RGS12: variants seen among roughly 807,000 people sequenced by gnomAD.
RGS12 encodes regulator of G-protein signaling 12.
RGS12 carries 66 observed loss-of-function variants against 120.1 expected under a neutral mutation model. The ratio of observed to expected loss-of-function variants is 0.55; its 90% confidence interval spans 0.45 to 0.67. The LOEUF (loss-of-function observed/expected upper bound fraction) is 0.67. Among genes scored for constraint, RGS12 ranks in the 30% least tolerant of loss-of-function variants. RGS12 has a pLI of 0.00. For synonymous variants in RGS12, 827 were observed against 804.7 expected (o/e 1.03, Z -0.47); for missense variants, 1,859 against 1,957.7 (o/e 0.95, Z 0.95).
rs750513229 is a variant in RGS12, at chr4:3,390,576, C to T, written c.2020+4139C>T. Among the ~76,000 whole-genome samples, 1 of 152,266 alleles carries T rather than the reference C, an allele frequency of 6.6e-6. No homozygotes were observed. The highest frequency in any genetic ancestry group is 1.5e-5 in the Non-Finnish European group (1 of 68,048). On this transcript the variant is annotated intron_variant, in intron 4 of 17. Coordinates refer to ENST00000336727, the MANE Select transcript of RGS12 (RefSeq NM_001394154.1). This position sits in a 1 kb window ranked among gnomAD's most constrained non-coding sequence, Gnocchi z 4.6. ...GTGGACCCACTGCCGCCGCCTCCTC[C>T]TGGGCTGCTCTGCGCGCCTGCCAGG...
At chr4:3,360,248 C>G (rs1044774395) in intron 3 of RGS12, among the ~76,000 whole-genome samples, 1 of 152,110 alleles carries the variant, frequency 6.6e-6, no homozygotes, top group African/African-American at 2.4e-5. Flanking sequence ...TTTGAGTCTT[C>G]TCTTTTTTTC....
At chr4:3,423,411 G>C (rs1193464606) in intron 12 of RGS12, 104 bp from the exon 13 acceptor site, 1 of 1,467,022 alleles carries the variant, frequency 6.8e-7, no homozygotes, top group Non-Finnish European at 9.4e-7. Context: ...GGCACACCGA[G>C]GCCTTGAGGG....
intron 3 of RGS12, chr4:3,370,286 T>C (rs1578848677): frequency 2.5e-6 from 4 of 1,613,990 alleles, no homozygotes; most frequent in Non-Finnish European, 3.4e-6. Flanking sequence ...GGGGAAAGAG[T>C]TGTCAAACGA....
At chr4:3,296,543 G>A (rs888351687) in intron 1 of RGS12, among the ~76,000 whole-genome samples, 3 of 152,162 alleles carry the variant, frequency 2.0e-5, no homozygotes, top group Non-Finnish European at 4.4e-5. Context: ...TGTCCTGGGA[G>A]CCTTAGTTTA....
rs1427715196 is a variant in RGS12 at position 3,317,545 on chromosome 4, G to A, written c.1375G>A (p.Gly459Ser). 8 of 1,609,082 alleles carry A rather than the reference G, an allele frequency of 5.0e-6. No individual in the cohort carries two copies. Among genetic ancestry groups the A allele is most frequent in the East Asian group, 2.2e-5 (1 of 44,854 alleles). The change falls in exon 2 of 18, where the codon GGT (glycine) becomes AGT (serine). Residue 459 changes from glycine (G) to serine (S), a missense_variant. Physicochemically the swap from Gly to Ser is moderately conservative, Grantham distance 56. Coordinates refer to ENST00000336727, the MANE Select transcript of RGS12 (RefSeq NM_001394154.1). ...RHGPGGSAWD[G>S]VGGRGAQPWG... The stretch of plus-strand genomic sequence containing the variant: ...CGGCCCCGGAGGCAGCGCGTGGGAC[G>A]GTGTGGGTGGGAGGGGTGCCCAGCC...
At chr4:3,336,847 AG>A (rs1213466231) in intron 2 of RGS12, among the ~76,000 whole-genome samples, 1 of 152,240 alleles carries the variant, frequency 6.6e-6, no homozygotes, top group Non-Finnish European at 1.5e-5. Flanking sequence ...CAGAGTCTAT[AG>A]AGAACTCCTA....
At position 3,390,091 on chromosome 4, in the gene RGS12, G is replaced by A. The variant is rs545532030; in HGVS notation, c.2020+3654G>A. Reference sequence around the variant, plus strand: ...CACAGCAGCAGCAGTGATCTGCCCAGCCCCTGCACTGGACCCCTCCACCAG... The same window carrying A: ...CACAGCAGCAGCAGTGATCTGCCCAACCCCTGCACTGGACCCCTCCACCAG... On this transcript the variant is annotated intron_variant, in intron 4 of 17. Coordinates refer to ENST00000336727, the MANE Select transcript of RGS12 (RefSeq NM_001394154.1). This position sits in a 1 kb window ranked among gnomAD's most constrained non-coding sequence, Gnocchi z 4.6. 6.6e-6 allele frequency among the ~76,000 whole-genome samples: 1 copy of A among 152,230 alleles called. No individual in the cohort carries two copies. Among genetic ancestry groups the A allele is most frequent in the Admixed American group, 6.5e-5 (1 of 15,292 alleles).
Position 3,367,218 on chromosome 4 carries a change from G to A in RGS12, c.1999-19198G>A, listed in dbSNP as rs145257303. On this transcript the variant is annotated intron_variant, in intron 3 of 17. Transcript: ENST00000336727. ...ACCACAGCTGCCTCCAGGCTCACATGCCCACTTGCCGAGCTCACCACACGG... is the reference window on the plus strand; with the variant it reads ...ACCACAGCTGCCTCCAGGCTCACATACCCACTTGCCGAGCTCACCACACGG... Among the ~76,000 whole-genome samples the A allele has an allele frequency of 2.0e-4, 30 of 152,376 alleles. No individual in the cohort carries two copies. The East Asian group carries it at 5.2e-3, about 26-fold the overall frequency.
intron 9 of RGS12, 170 bp downstream of exon 9, chr4:3,417,711 GAC>G: frequency 1.5e-6 from 1 of 673,486 alleles, no homozygotes; most frequent in Admixed American, 3.0e-5. Context: ...TGTGTCTGGG[GAC>G]ACGACCTGTC....
intron 9 of RGS12, chr4:3,417,781 C>T (rs1722573066): frequency 7.8e-6 from 4 of 514,850 alleles, no homozygotes; most frequent in Admixed American, 7.3e-5. Flanking sequence ...GGGCTCAATA[C>T]ATTTCAGCCC....
At chr4:3,358,121 T>A (rs1048085111) in intron 3 of RGS12, among the ~76,000 whole-genome samples, 1 of 152,238 alleles carries the variant, frequency 6.6e-6, no homozygotes, top group Non-Finnish European at 1.5e-5. Flanking sequence ...TGTAATTGTT[T>A]TTATAATTTC....
intron 3 of RGS12, among the ~76,000 whole-genome samples, chr4:3,364,382 G>A (rs1476716076): frequency 2.0e-5 from 3 of 152,204 alleles, no homozygotes; most frequent in African/African-American, 7.2e-5. Context: ...GGCCCTGGCA[G>A]GGTGGGTGTA....
chr4:3,402,546 C>T (rs1379736431), intron 4 of RGS12, among the ~76,000 whole-genome samples: 1 of 152,158 alleles, frequency 6.6e-6, no homozygotes, highest in Non-Finnish European at 1.5e-5. Flanking sequence ...TGGGTGGCCC[C>T]ACCTTGGCTT....
rs1200801901 is a variant in RGS12 at position 3,316,876 on chromosome 4, G to A, written c.706G>A (p.Gly236Ser). ...LNVAMIVGYL[G>S]SIELPSTSSN... ...CGTGGCGATGATCGTGGGCTACTTA[G>A]GCTCCATTGAGCTTCCTTCCACGAG... is the stretch of plus-strand genomic sequence containing the variant. The change falls in exon 2 of 18, where the codon GGC becomes AGC. Residue 236 changes from glycine (G) to serine (S), a missense_variant. Gly to Ser is a moderately conservative substitution (Grantham distance 56, BLOSUM62 0). Transcript: ENST00000336727. 5.6e-6 allele frequency: 9 copies of A among 1,614,136 alleles called. No individual in the cohort carries two copies.
chr4:3,410,271 T>G (rs1035410021), intron 4 of RGS12, among the ~76,000 whole-genome samples: 2 of 152,214 alleles, frequency 1.3e-5, no homozygotes, highest in Non-Finnish European at 2.9e-5. Context: ...CCAGCTAATT[T>G]TTTAATTTAT....
chr4:3,286,712 A>G, the RGS12 span, among the ~76,000 whole-genome samples: 6 of 152,178 alleles, frequency 3.9e-5, no homozygotes, highest in African/African-American at 1.2e-4. Flanking sequence ...CCAGCGCTGC[A>G]CACCGGGGAA....
At chr4:3,306,647 G>A (rs2110369045) in intron 1 of RGS12, among the ~76,000 whole-genome samples, 2 of 152,308 alleles carry the variant, frequency 1.3e-5, no homozygotes, top group Middle Eastern at 3.4e-3. Context: ...CGAAGCCTCA[G>A]GATCACTGCA....
rs139813228 is a variant in RGS12 at position 3,430,616 on chromosome 4, G to A, written c.3775G>A (p.Glu1259Lys). The change falls in exon 17 of 18, where the codon GAG becomes AAG. Residue 1259 changes from glutamate (E) to lysine (K), a missense_variant. Glu to Lys is a moderately conservative substitution (Grantham distance 56, BLOSUM62 1). Around this residue, in one of 3 missense-constraint regions of RGS12, gnomAD observed 517 missense variants for 488.5 expected, o/e 1.06. Coordinates refer to ENST00000336727, the MANE Select transcript of RGS12 (RefSeq NM_001394154.1). ...NGRESASQPG[E>K]QWEPVQESSD... ...CCGGGAGAGCGCCTCCCAGCCTGGC[G>A]AGCAGTGGGAGCCAGTCCAGGAGAG... 174 of 1,609,900 alleles carry A rather than the reference G, an allele frequency of 1.1e-4. No individual in the cohort carries two copies. Among genetic ancestry groups the A allele is most frequent in the Non-Finnish European group, 1.4e-4 (162 of 1,178,732 alleles).
chr4:3,327,070 T>G lies in RGS12; in HGVS notation c.1881+9019T>G, dbSNP rs540501059. 1.6e-4 allele frequency among the ~76,000 whole-genome samples: 25 copies of G among 152,328 alleles called. 1 individual carries two copies. The South Asian group carries it at 3.3e-3, about 20-fold the overall frequency. On this transcript the variant is annotated intron_variant, in intron 2 of 17. Coordinates refer to ENST00000336727, the MANE Select transcript of RGS12 (RefSeq NM_001394154.1). ...TACCTGACTTCAAATTATACAAGGC[T>G]GTAGTAACCAAAATAGCATGTTACT...
Sources: allele counts gnomAD v4.1 joint callset (sites outside exome capture counted in the v4.1 genomes callset), GRCh38; gene constraint gnomAD v4.1.1; regional missense constraint gnomAD v4.1.1; non-coding constraint Gnocchi (gnomAD v3.1); transcripts MANE v1.5; gene names NCBI Gene and HGNC (gene_info 2026-07-23, HGNC 2026-07-21).